SLC30A7: variants seen among roughly 807,000 people sequenced by gnomAD.
The protein encoded by SLC30A7 is solute carrier family 30 member 7.
SLC30A7 carries 35 observed loss-of-function variants against 46.0 expected under a neutral mutation model. The ratio of observed to expected loss-of-function variants is 0.76; its 90% CI spans 0.58 to 1.01. The LOEUF is 1.01. Among genes scored for constraint, SLC30A7 ranks in the 50% least tolerant of loss-of-function variants. SLC30A7 has a pLI of 0.00. For missense variants in SLC30A7, 464 were observed against 451.1 expected (o/e 1.03, Z -0.26); for synonymous variants, 147 against 157.8 (o/e 0.93, Z 0.51).
At chr1:100,911,975 C>T in intron 4 of SLC30A7, 137 bp from the exon 5 acceptor site, 1 of 687,554 alleles carries the variant, frequency 1.5e-6, no homozygotes, top group South Asian at 2.2e-5. Context: ...TTATTTCTAT[C>T]AACTGTTTTG....
intron 2 of SLC30A7, among the ~76,000 whole-genome samples, chr1:100,899,519 G>A (rs1011633801): frequency 1.3e-5 from 2 of 151,936 alleles, no homozygotes; most frequent in Admixed American, 6.6e-5. Flanking sequence ...TATCATCTAC[G>A]GTTAAGTTTG....
At chr1:100,990,636 T>TA in the SLC30A7 span, 3,844 of 1,446,326 alleles carry the variant, frequency 2.7e-3, 16 homozygotes, top group African/African-American at 0.029. Context: ...TAACTGCTAT[T>TA]AAAAAAAAAA....
intron 10 of SLC30A7, among the ~76,000 whole-genome samples, chr1:100,969,760 A>C (rs781337466): frequency 2.7e-4 from 41 of 152,320 alleles, no homozygotes; most frequent in Non-Finnish European, 5.6e-4. Flanking sequence ...CTTGCAGTGA[A>C]GGTGGCTCAA....
chr1:100,909,004 A>G (rs1476426426), intron 3 of SLC30A7, among the ~76,000 whole-genome samples: 1 of 151,810 alleles, frequency 6.6e-6, no homozygotes, highest in African/African-American at 2.4e-5. Flanking sequence ...TAAGAGAATA[A>G]TATTCTTTCC....
intron 8 of SLC30A7, among the ~76,000 whole-genome samples, chr1:100,938,188 A>G (rs1406516892): frequency 6.6e-6 from 1 of 152,100 alleles, no homozygotes; most frequent in Non-Finnish European, 1.5e-5. Flanking sequence ...TTCTTTTTCA[A>G]GATTGTTTTG....
chr1:100,909,831 A>T (rs748902533), intron 3 of SLC30A7, among the ~76,000 whole-genome samples: 1 of 152,108 alleles, frequency 6.6e-6, no homozygotes, highest in African/African-American at 2.4e-5. Context: ...AGCATTAGTT[A>T]TGGGACTACA....
rs1179414866 is a variant in SLC30A7 at position 100,978,141 on chromosome 1, A to G, written c.*3284A>G. The G allele has an allele frequency of 3.3e-5, 5 of 152,142 alleles. No individual in the cohort carries two copies. Among genetic ancestry groups the G allele is most frequent in the African/African-American group, 2.4e-5 (1 of 41,428 alleles). 9.4% of individuals were successfully genotyped at this position (152,142 alleles called of 1,614,324 possible). ...AGCTTCCTCAGTTTGCTAACTCCCC[A>G]TGCATCTTTGTGAAGGACAGTATCT... On this transcript the variant is annotated 3_prime_UTR_variant, in exon 11 of 11. Transcript: ENST00000357650.
At chr1:100,941,438 C>T in intron 8 of SLC30A7, 2 of 424,750 alleles carry the variant, frequency 4.7e-6, no homozygotes, top group Non-Finnish European at 9.0e-6. Flanking sequence ...CACAGCTTCC[C>T]TAATTTCACA....
chr1:100,909,978 AAT>A (rs1553235830), intron 3 of SLC30A7, among the ~76,000 whole-genome samples: 1 of 151,962 alleles, frequency 6.6e-6, no homozygotes, highest in East Asian at 1.9e-4. Context: ...AGGAAAAAAA[AAT>A]ATGTTTTGAC....
intron 2 of SLC30A7, among the ~76,000 whole-genome samples, chr1:100,899,197 C>T (rs1651149384): frequency 6.6e-6 from 1 of 152,132 alleles, no homozygotes; most frequent in African/African-American, 2.4e-5. Flanking sequence ...GGGATCTTTT[C>T]TATCTTATGC....
At chr1:100,943,730 A>G (rs1258484649) in intron 8 of SLC30A7, among the ~76,000 whole-genome samples, 1 of 152,252 alleles carries the variant, frequency 6.6e-6, no homozygotes, top group African/African-American at 2.4e-5. Flanking sequence ...TTGTAATATT[A>G]CATCATCAGT....
At chr1:100,974,711 A>G in intron 10 of SLC30A7, 99 bp from the exon 11 acceptor site, 1 of 844,498 alleles carries the variant, frequency 1.2e-6, no homozygotes. Context: ...CTTTTTTTAA[A>G]AAAGTGAGAT....
At position 100,921,672 on chromosome 1, in the gene SLC30A7, G is replaced by T. The variant is rs1471707111; in HGVS notation, c.707-34G>T. ...TATTCGTATTTTAAATTAACCAAAA[G>T]ACTGTTTTGATTTTTATTATGGTTT... On this transcript the variant is annotated intron_variant, in intron 7 of 10. Coordinates refer to ENST00000357650, the MANE Select transcript of SLC30A7 (RefSeq NM_133496.5). 5 of 1,551,320 alleles carry T rather than the reference G, an allele frequency of 3.2e-6. No individual in the cohort carries two copies. The Admixed American group carries it at 6.8e-5, about 21-fold the overall frequency.
intron 2 of SLC30A7, among the ~76,000 whole-genome samples, chr1:100,905,632 T>C (rs1466789403): frequency 6.6e-6 from 1 of 152,202 alleles, no homozygotes; most frequent in Non-Finnish European, 1.5e-5. Context: ...TGTTGCACTT[T>C]GTTTAACTTC....
chr1:100,930,422 A>G (rs1167476442), intron 8 of SLC30A7, among the ~76,000 whole-genome samples: 1 of 152,080 alleles, frequency 6.6e-6, no homozygotes, highest in African/African-American at 2.4e-5. Flanking sequence ...TAATGGAAAC[A>G]AAATTATAAA....
At chr1:100,900,286 A>C (rs1051108592) in intron 2 of SLC30A7, among the ~76,000 whole-genome samples, 6 of 152,208 alleles carry the variant, frequency 3.9e-5, no homozygotes, top group Non-Finnish European at 2.9e-5. Flanking sequence ...CATAGAAGAC[A>C]CTCAGGTAAC....
In SLC30A7 at chr1:100,896,277, C is replaced by T. The variant is rs772608450; in HGVS notation, c.15C>T (p.Ser5=). The T allele has an allele frequency of 1.9e-6, 3 of 1,614,206 alleles. No homozygotes were observed. Among genetic ancestry groups the T allele is most frequent in the Non-Finnish European group, 2.5e-6 (3 of 1,180,020 alleles). Residue 5 remains serine, a synonymous_variant, in exon 1 of 11, where the codon TCC becomes TCT. Coordinates refer to ENST00000357650, the MANE Select transcript of SLC30A7 (RefSeq NM_133496.5). The part of the protein sequence containing the change: MLPL[S]IKDDEYKPPK... ...GGGCAGAGAAGATGTTGCCCCTGTC[C>T]ATCAAAGACGATGAATACAAACCAC... is the stretch of plus-strand genomic sequence containing the variant.
At chr1:100,946,713 C>T (rs563941200) in intron 8 of SLC30A7, among the ~76,000 whole-genome samples, 30 of 152,202 alleles carry the variant, frequency 2.0e-4, no homozygotes, top group African/African-American at 7.2e-4. Context: ...ATTTTTGCAT[C>T]GATGTTCATT....
Position 100,977,405 on chromosome 1 carries a change from T to A in SLC30A7, c.*2548T>A, listed in dbSNP as rs1292671816. On this transcript the variant is annotated 3_prime_UTR_variant, in exon 11 of 11. Transcript: ENST00000357650. Reference sequence around the variant, plus strand: ...CTTTAATTAAATGCCAGTATACCTATGTGTGCAGCAGTAAAAAATTAGTGA... The same window carrying A: ...CTTTAATTAAATGCCAGTATACCTAAGTGTGCAGCAGTAAAAAATTAGTGA... 1 of 152,204 alleles carries A rather than the reference T, an allele frequency of 6.6e-6. No individual in the cohort carries two copies. The highest frequency in any genetic ancestry group is 2.4e-5 in the African/African-American group (1 of 41,456). 9.4% of individuals were successfully genotyped at this position (152,204 alleles called of 1,614,324 possible). A position where few individuals can be genotyped will look rare whatever the true frequency, so the allele number is the denominator to read the frequency against.
Sources: gnomAD v4.1 joint callset for allele counts (sites outside exome capture counted in the v4.1 genomes callset) on GRCh38, gnomAD v4.1.1 for gene constraint, MANE v1.5 for transcripts, NCBI Gene and HGNC (gene_info 2026-07-23, HGNC 2026-07-21) for gene names.